TMTC2: variants seen among roughly 807,000 people sequenced by gnomAD.
The protein encoded by TMTC2 is transmembrane O-mannosyltransferase targeting cadherins 2.
Under a neutral mutation model 82.4 loss-of-function variants are expected in TMTC2, and 43 were observed. The observed-to-expected ratio is 0.52, with a 90% CI of 0.41 to 0.67. The LOEUF (loss-of-function observed/expected upper bound fraction) is 0.67, where lower values mean the gene tolerates loss of function less well. Ranked by LOEUF, TMTC2 falls within the 30% of genes least tolerant of loss-of-function variation. The pLI is 0.00. For synonymous variants in TMTC2, 408 were observed against 381.9 expected (o/e 1.07, Z -0.80); for missense variants, 919 against 1,012.4 (o/e 0.91, Z 1.25).
intron 1 of TMTC2, among the ~76,000 whole-genome samples, chr12:82,699,665 C>A (rs928896386): frequency 6.6e-6 from 1 of 152,114 alleles, no homozygotes; most frequent in African/African-American, 2.4e-5. Context: ...AACACAGGTG[C>A]AGGGTGGCAA....
At chr12:82,785,480 T>G (rs1166004198) in intron 1 of TMTC2, among the ~76,000 whole-genome samples, 2 of 151,894 alleles carry the variant, frequency 1.3e-5, no homozygotes, top group African/African-American at 4.8e-5. Context: ...CACATGACTT[T>G]TATTTAGTTT....
intron 3 of TMTC2, among the ~76,000 whole-genome samples, chr12:82,899,665 GAATA>G (rs1210097848): frequency 8.4e-6 from 1 of 118,440 alleles, no homozygotes; most frequent in Non-Finnish European, 1.7e-5. Flanking sequence ...ATATATATAA[GAATA>G]TATATGTGGA....
intron 1 of TMTC2, 134 bp from the exon 2 acceptor site, chr12:82,856,876 T>A: frequency 1.2e-6 from 1 of 847,888 alleles, no homozygotes; most frequent in Non-Finnish European, 1.8e-6. Flanking sequence ...GAATTCAGCT[T>A]ATATGTGCCT....
intron 1 of TMTC2, among the ~76,000 whole-genome samples, chr12:82,768,954 A>C (rs1404649011): frequency 6.6e-6 from 1 of 152,006 alleles, no homozygotes; most frequent in African/African-American, 2.4e-5. Context: ...GTGTGGCTGC[A>C]GTCCTCTCCC....
intron 10 of TMTC2, among the ~76,000 whole-genome samples, chr12:83,051,864 G>T (rs1011022587): frequency 6.6e-6 from 1 of 152,030 alleles, no homozygotes; most frequent in Non-Finnish European, 1.5e-5. Flanking sequence ...AGGTTTTTTT[G>T]TGTGTGAATA....
At chr12:82,900,682 G>GAATATATATATAGGAATATATATCTCTGA in intron 3 of TMTC2, among the ~76,000 whole-genome samples, 2 of 138,348 alleles carry the variant, frequency 1.4e-5, no homozygotes, top group African/African-American at 5.3e-5. Context: ...TATATCTCTG[G>GAATATATATATAGGAATATATATCTCTGA]AATATATATA....
At chr12:82,901,331 T>G (rs1874008714) in intron 3 of TMTC2, among the ~76,000 whole-genome samples, 1 of 144,050 alleles carries the variant, frequency 6.9e-6, no homozygotes, top group South Asian at 2.2e-4. Context: ...TTGAGACAGA[T>G]TCTCGCTCTG....
chr12:82,921,858 A>G (rs1875413496), intron 3 of TMTC2, among the ~76,000 whole-genome samples: 1 of 151,876 alleles, frequency 6.6e-6, no homozygotes, highest in Admixed American at 6.6e-5. Context: ...AGCACTTTGC[A>G]AGATCAAGGT....
chr12:83,018,591 C>T (rs1412036684), intron 8 of TMTC2, among the ~76,000 whole-genome samples: 1 of 151,958 alleles, frequency 6.6e-6, no homozygotes, highest in African/African-American at 2.4e-5. Context: ...GTAAAGTTTC[C>T]TATTGGAAAC....
chr12:83,071,462 TG>T (rs1359329557), intron 11 of TMTC2, among the ~76,000 whole-genome samples: 1 of 152,146 alleles, frequency 6.6e-6, no homozygotes, highest in Non-Finnish European at 1.5e-5. Context: ...TGGCCTGGTC[TG>T]TAGTTTTCTT....
intron 1 of TMTC2, among the ~76,000 whole-genome samples, chr12:82,709,683 A>G (rs1873533481): frequency 6.6e-6 from 1 of 152,016 alleles, no homozygotes; most frequent in Non-Finnish European, 1.5e-5. Context: ...AATGAAAAAA[A>G]CAAAAAACAA....
chr12:82,918,593 T>C (rs1472726057), intron 3 of TMTC2, among the ~76,000 whole-genome samples: 2 of 152,158 alleles, frequency 1.3e-5, no homozygotes, highest in African/African-American at 4.8e-5. Flanking sequence ...ATTAGTAAAA[T>C]GAAAATGCTG....
intron 4 of TMTC2, among the ~76,000 whole-genome samples, chr12:82,948,510 T>C (rs902456687): frequency 6.6e-6 from 1 of 152,206 alleles, no homozygotes; most frequent in Non-Finnish European, 1.5e-5. Flanking sequence ...CAGACTTTCA[T>C]TTTTGGAACT....
intron 11 of TMTC2, among the ~76,000 whole-genome samples, chr12:83,094,548 G>C (rs370299089): frequency 6.6e-6 from 1 of 152,162 alleles, no homozygotes; most frequent in African/African-American, 2.4e-5. Context: ...TGTTCCATTT[G>C]CATTGTAGAG....
At chr12:83,069,218 G>A (rs1883024525) in intron 11 of TMTC2, among the ~76,000 whole-genome samples, 1 of 152,076 alleles carries the variant, frequency 6.6e-6, no homozygotes, top group African/African-American at 2.4e-5. Context: ...ACCCAGTAGT[G>A]GGACTGCTAG....
At chr12:82,761,173 GCAGTGTGATCTTGAT>G (rs1876608657) in intron 1 of TMTC2, among the ~76,000 whole-genome samples, 1 of 152,116 alleles carries the variant, frequency 6.6e-6, no homozygotes, top group South Asian at 2.1e-4. Flanking sequence ...CTACTCAGGA[GCAGTGTGATCTTGAT>G]CAAGTTTGTT....
chr12:82,819,374 G>C (rs912743186), intron 1 of TMTC2, among the ~76,000 whole-genome samples: 1 of 151,796 alleles, frequency 6.6e-6, no homozygotes, highest in Admixed American at 6.6e-5. Context: ...ATGGCTCTGA[G>C]ATCCTTTTTT....
intron 8 of TMTC2, among the ~76,000 whole-genome samples, chr12:83,028,346 G>A (rs1881268505): frequency 6.6e-6 from 1 of 152,132 alleles, no homozygotes; most frequent in South Asian, 2.1e-4. Context: ...CTATTTTAAA[G>A]TAGTTTTAGG....
rs1245339757 is a variant in TMTC2 at position 82,743,119 on chromosome 12, T to C, written c.83+55450T>C. Among the ~76,000 whole-genome samples, 8 of 152,292 alleles carry C rather than the reference T, an allele frequency of 5.3e-5. No individual in the cohort carries two copies. The East Asian group carries it at 1.5e-3, about 29-fold the overall frequency. ...TTTGGTAAATGAGGATAATAATACCTGTATCACACAATTATGAAGATTTAA... is the reference window on the plus strand; with the variant it reads ...TTTGGTAAATGAGGATAATAATACCCGTATCACACAATTATGAAGATTTAA... On this transcript the variant is annotated intron_variant, in intron 1 of 11. Transcript: ENST00000321196.
Sources: gnomAD v4.1 joint callset for allele counts (sites outside exome capture counted in the v4.1 genomes callset) on GRCh38, gnomAD v4.1.1 for gene constraint, MANE v1.5 for transcripts, NCBI Gene and HGNC (gene_info 2026-07-23, HGNC 2026-07-21) for gene names.